Variants in CMYA5 observed in about 807,000 individuals in gnomAD.
CMYA5 encodes cardiomyopathy-associated protein 5.
Under a neutral mutation model 318.9 loss-of-function variants are expected in CMYA5, and 246 were observed. The ratio of observed to expected loss-of-function variants is 0.77; its 90% CI spans 0.70 to 0.86. The LOEUF is 0.86. Among genes scored for constraint, CMYA5 ranks in the 40% least tolerant of loss-of-function variants. The pLI is 0.00. For missense variants in CMYA5, 4,589 were observed against 4,678.2 expected, an observed-to-expected ratio of 0.98 and a Z score of 0.56; for synonymous variants, 1,641 against 1,729.5, an observed-to-expected ratio of 0.95 and a Z score of 1.27.
At chr5:79,771,930 T>C (rs1580799470) in intron 9 of CMYA5, among the ~76,000 whole-genome samples, 2 of 152,134 alleles carry the variant, frequency 1.3e-5, no homozygotes, top group South Asian at 4.1e-4. Flanking sequence ...ATGAGAAACA[T>C]AGATATGAAG....
intron 10 of CMYA5, 41 bp downstream of exon 10, chr5:79,789,145 T>C: frequency 6.2e-7 from 1 of 1,609,242 alleles, no homozygotes; most frequent in Non-Finnish European, 8.5e-7. Context: ...TTCCAAGCTA[T>C]TTCTTCCCTT....
chr5:79,737,809 C>G lies in CMYA5; in HGVS notation c.9044C>G (p.Pro3015Arg), dbSNP rs768645499. Reference protein sequence around the residue: ...KSRLEDEKVTPLKENKQKETH... With the variant: ...KSRLEDEKVTRLKENKQKETH... ...AGGTTAGAAGATGAAAAAGTTACCC[C>G]ATTGAAAGAAAATAAACAAAAGGAA... Residue 3015 changes from proline (P) to arginine (R), a missense_variant, in exon 2 of 13, where the codon CCA becomes CGA. By Grantham distance (103) the Pro-to-Arg change is moderately radical. Coordinates refer to ENST00000446378, the MANE Select transcript of CMYA5 (RefSeq NM_153610.5). The G allele has an allele frequency of 9.3e-6, 15 of 1,607,278 alleles. No individual in the cohort carries two copies. The highest frequency in any genetic ancestry group is 1.7e-4 in the Middle Eastern group (1 of 6,054).
chr5:79,768,318 T>A (rs259110), intron 9 of CMYA5, among the ~76,000 whole-genome samples: 31,108 of 152,074 alleles, frequency 0.2, 3,315 homozygotes, highest in East Asian at 0.31. Flanking sequence ...TAATATTGTT[T>A]TATGTGAATT....
chr5:79,789,160 C>T lies in CMYA5; in HGVS notation c.11689+56C>T, dbSNP rs1580808074. 8 of 1,595,542 alleles carry T rather than the reference C, an allele frequency of 5.0e-6. No individual in the cohort carries two copies. In the East Asian group the frequency reaches 1.6e-4, roughly 31 times the overall value. Reference sequence around the variant, plus strand: ...TTCCAAGCTATTTCTTCCCTTCCACCCCTCAGAGAAGATGTCCTAGAGGGC... The same window carrying T: ...TTCCAAGCTATTTCTTCCCTTCCACTCCTCAGAGAAGATGTCCTAGAGGGC... On this transcript the variant is annotated intron_variant, in intron 10 of 12. Transcript: ENST00000446378.
intron 1 of CMYA5, among the ~76,000 whole-genome samples, chr5:79,693,663 C>T (rs4704576): frequency 0.64 from 97,510 of 152,072 alleles, 33,332 homozygotes; most frequent in African/African-American, 0.89. Flanking sequence ...TTTTTTGGAA[C>T]AGAATTAGGA....
chr5:79,755,320 T>C, intron 6 of CMYA5, among the ~76,000 whole-genome samples: 1 of 152,050 alleles, frequency 6.6e-6, no homozygotes, highest in East Asian at 1.9e-4. Flanking sequence ...AGAGTCTCAC[T>C]CTGTCGCCCA....
rs757658977 is a variant in CMYA5, at chr5:79,736,953, T to C, written c.8188T>C (p.Cys2730Arg). The C allele has an allele frequency of 1.2e-6, 2 of 1,613,192 alleles. No homozygotes were observed. Among genetic ancestry groups the C allele is most frequent in the Non-Finnish European group, 1.7e-6 (2 of 1,179,750 alleles). ...GACTTTCCTGCCAGTGGTTCTTTCT[T>C]GTCATGATGAAATAGAGAACCACTC... Reference protein sequence around the residue: ...TKTFLPVVLSCHDEIENHSLS... With the variant: ...TKTFLPVVLSRHDEIENHSLS... Residue 2730 changes from cysteine (C) to arginine (R), a missense_variant, in exon 2 of 13, where the codon TGT becomes CGT. Physicochemically the swap from Cys to Arg is radical, Grantham distance 180. Coordinates refer to ENST00000446378, the MANE Select transcript of CMYA5 (RefSeq NM_153610.5).
chr5:79,693,336 A>ATTTTTTT (rs11319092), intron 1 of CMYA5, among the ~76,000 whole-genome samples: 12 of 135,634 alleles, frequency 8.8e-5, no homozygotes, highest in Non-Finnish European at 7.8e-5. Context: ...AAGTCACACA[A>ATTTTTTT]TTTTTTTTTT....
rs1391613546 is a variant in CMYA5, at chr5:79,701,826, A to G, written c.149+11770A>G. On this transcript the variant is annotated intron_variant, in intron 1 of 12. Transcript: ENST00000446378. Reference sequence around the variant, plus strand: ...AATGGAAACAACCCAAATGTCCATTAACTAATGAAGAGATAAAGAGGCCAG... The same window carrying G: ...AATGGAAACAACCCAAATGTCCATTGACTAATGAAGAGATAAAGAGGCCAG... 2.0e-5 allele frequency among the ~76,000 whole-genome samples: 3 copies of G among 152,192 alleles called. No individual in the cohort carries two copies. The East Asian group carries it at 5.8e-4, about 29-fold the overall frequency.
chr5:79,729,018 T>C lies in CMYA5; in HGVS notation c.253T>C (p.Trp85Arg). ...CCAAAGGGAAGATAGTGGGATAACC[T>C]GGGAAACCAATTCAAGTAGATCTTC... ...TVQREDSGIT[W>R]ETNSSRSSTP... Residue 85 changes from tryptophan to arginine, a missense_variant, in exon 2 of 13, where the codon TGG (tryptophan) becomes CGG (arginine). Trp to Arg is a moderately radical substitution (Grantham distance 101, BLOSUM62 -3). Around this residue, in one of 3 missense-constraint regions of CMYA5, gnomAD observed 2,132 missense variants for 2,131.3 expected, o/e 1.00. Coordinates refer to ENST00000446378, the MANE Select transcript of CMYA5 (RefSeq NM_153610.5). The C allele has an allele frequency of 1.2e-6, 2 of 1,613,990 alleles. No individual in the cohort carries two copies. The highest frequency in any genetic ancestry group is 1.7e-6 in the Non-Finnish European group (2 of 1,179,882).
chr5:79,693,267 G>A (rs1281679753), intron 1 of CMYA5, among the ~76,000 whole-genome samples: 1 of 152,048 alleles, frequency 6.6e-6, no homozygotes, highest in Non-Finnish European at 1.5e-5. Flanking sequence ...GGCTTTGGAA[G>A]TATCTGTTCT....
chr5:79,794,677 C>T (rs1468078069), intron 12 of CMYA5, among the ~76,000 whole-genome samples: 1 of 152,144 alleles, frequency 6.6e-6, no homozygotes, highest in African/African-American at 2.4e-5. Flanking sequence ...AAGTATCATA[C>T]AAATGTGAGG....
chr5:79,701,090 C>CCAAAAAAAAAAAAAAAAAA (rs55791310), intron 1 of CMYA5, among the ~76,000 whole-genome samples: 3 of 114,924 alleles, frequency 2.6e-5, no homozygotes, highest in Non-Finnish European at 3.7e-5. Context: ...ACTAAAAATA[C>CCAAAAAAAAAAAAAAAAAA]AAAAAAAAAA....
At chr5:79,704,568 A>C (rs943183363) in intron 1 of CMYA5, among the ~76,000 whole-genome samples, 1 of 152,154 alleles carries the variant, frequency 6.6e-6, no homozygotes. Context: ...AAAGCAATAA[A>C]ATATCTTTTC....
At chr5:79,798,462 G>C (rs1829310645) in intron 12 of CMYA5, among the ~76,000 whole-genome samples, 1 of 152,042 alleles carries the variant, frequency 6.6e-6, no homozygotes, top group Non-Finnish European at 1.5e-5. Flanking sequence ...TTTTTACATA[G>C]AGCAATTTAG....
At chr5:79,763,948 T>C (rs532909248) in intron 9 of CMYA5, among the ~76,000 whole-genome samples, 1 of 152,288 alleles carries the variant, frequency 6.6e-6, no homozygotes, top group South Asian at 2.1e-4. Flanking sequence ...TTTATTGAGA[T>C]AAACTACTTT....
At chr5:79,775,884 A>C (rs1189780891) in intron 9 of CMYA5, among the ~76,000 whole-genome samples, 1 of 152,218 alleles carries the variant, frequency 6.6e-6, no homozygotes, top group Non-Finnish European at 1.5e-5. Context: ...AATCCAGAGG[A>C]ATGAATGTTA....
chr5:79,778,819 G>GTGTGTGTGTGTGTA (rs1561228899), intron 9 of CMYA5, among the ~76,000 whole-genome samples: 21 of 115,024 alleles, frequency 1.8e-4, no homozygotes, highest in African/African-American at 3.3e-4. Context: ...TTCTGTGTGT[G>GTGTGTGTGTGTGTA]TGTGTGTGTG....
chr5:79,734,177 G>C lies in CMYA5; in HGVS notation c.5412G>C (p.Gln1804His), dbSNP rs200707794. The change falls in exon 2 of 13, where the codon CAG becomes CAC. Residue 1804 changes from glutamine to histidine, a missense_variant. Physicochemically the swap from Gln to His is conservative, Grantham distance 24. Around this residue, in one of 3 missense-constraint regions of CMYA5, gnomAD observed 2,132 missense variants for 2,131.3 expected, o/e 1.00. Coordinates refer to ENST00000446378, the MANE Select transcript of CMYA5 (RefSeq NM_153610.5). Reference protein sequence around the residue: ...TGHPNSSQVLQSITEPSKIAP... With the variant: ...TGHPNSSQVLHSITEPSKIAP... ...ACCCAAATTCATCCCAGGTACTCCA[G>C]AGTATAACAGAACCATCAAAGATTG... 427 of 1,613,820 alleles carry C rather than the reference G, an allele frequency of 2.6e-4. No homozygotes were observed. The highest frequency in any genetic ancestry group is 9.9e-4 in the Middle Eastern group (6 of 6,060).
Sources: allele counts gnomAD v4.1 joint callset (sites outside exome capture counted in the v4.1 genomes callset), GRCh38; gene constraint gnomAD v4.1.1; regional missense constraint gnomAD v4.1.1; transcripts MANE v1.5; gene names NCBI Gene and HGNC (gene_info 2026-07-23, HGNC 2026-07-21).